ARMCX4: variants seen among roughly 807,000 people sequenced by gnomAD.
The protein encoded by ARMCX4 is armadillo repeat-containing X-linked protein 4.
A neutral mutation model predicts 34.7 loss-of-function variants in ARMCX4; 3 were observed. The observed-to-expected ratio is 0.09, with a 90% confidence interval of 0.04 to 0.22. The LOEUF (loss-of-function observed/expected upper bound fraction) is 0.22, where lower values mean the gene tolerates loss of function less well. ARMCX4 is among the 10% of genes least tolerant of loss of function. ARMCX4 has a pLI of 1.00. For synonymous variants in ARMCX4, 513 were observed against 632.8 expected (o/e 0.81, Z 2.84); for missense variants, 1,448 against 1,720.8 (o/e 0.84, Z 2.81).
At chrX:101,453,440 C>T (rs1378221007) in intron 4 of ARMCX4, among the ~76,000 whole-genome samples, 1 of 111,971 alleles carries the variant, frequency 8.9e-6, no homozygotes, top group Admixed American at 9.5e-5. Context: ...AATGCAGGCT[C>T]TTATCCAATA....
At chrX:101,484,625 G>GTCAAT (rs782779877), upstream of ARMCX4, among the ~76,000 whole-genome samples, 3 of 112,138 alleles carry the variant, frequency 2.7e-5, no homozygotes, top group Non-Finnish European at 5.6e-5. Flanking sequence ...GTGTAAAATT[G>GTCAAT]TCAATATTAG....
chrX:101,440,476 G>T (rs1403378535), intron 2 of ARMCX4, among the ~76,000 whole-genome samples: 1 of 112,047 alleles, frequency 8.9e-6, no homozygotes, highest in African/African-American at 3.2e-5. Flanking sequence ...CCAGCTGCGT[G>T]CTGGGAGAAC....
At chrX:101,464,400 A>C (rs1157219777) in intron 4 of ARMCX4, among the ~76,000 whole-genome samples, 2 of 111,172 alleles carry the variant, frequency 1.8e-5, no homozygotes, top group Non-Finnish European at 3.8e-5. Context: ...AATAAATAAA[A>C]TGTGTTCATT....
intron 11 of ARMCX4, among the ~76,000 whole-genome samples, chrX:101,523,560 G>A (rs1934898921): frequency 8.9e-6 from 1 of 111,862 alleles, no homozygotes; most frequent in African/African-American, 3.3e-5. Flanking sequence ...AAAAATATCT[G>A]AGCAGGGACA....
chrX:101,528,747 G>A (rs898476988), intron 11 of ARMCX4, among the ~76,000 whole-genome samples: 19 of 110,087 alleles, frequency 1.7e-4, no homozygotes, highest in African/African-American at 6.0e-4. Flanking sequence ...CTTCAAAGAG[G>A]ATAAAATACC....
At chrX:101,535,625 A>G (rs1935205324), downstream of ARMCX4, among the ~76,000 whole-genome samples, 1 of 111,473 alleles carries the variant, frequency 9.0e-6, no homozygotes, top group African/African-American at 3.3e-5. Flanking sequence ...ACAGCTAGAA[A>G]CTTTGGAAAA....
At chrX:101,442,286 C>T (rs1931349233) in intron 2 of ARMCX4, among the ~76,000 whole-genome samples, 1 of 112,040 alleles carries the variant, frequency 8.9e-6, no homozygotes, top group African/African-American at 3.2e-5. Context: ...AATCTGCTTG[C>T]TGTGCCTGAT....
In ARMCX4 at chrX:101,495,488, T is replaced by C; in HGVS notation, c.*26T>C. ...TTGGCTGTATGTTCCCAAACAAATT[T>C]GAGTAATATTTTGGTTTTGCACTCT... is the stretch of plus-strand genomic sequence containing the variant. On this transcript the variant is annotated 3_prime_UTR_variant, in exon 6 of 6. Transcript: ENST00000423738. 1.8e-6 allele frequency: 2 copies of C among 1,088,157 alleles called. No individual in the cohort carries two copies. The highest frequency in any genetic ancestry group is 2.4e-6 in the Non-Finnish European group (2 of 842,130). The allele number at this position is 1,088,157 out of a possible 1,213,427, so 89.7% of individuals were successfully genotyped here. A position where few individuals can be genotyped will look rare whatever the true frequency, so the allele number is the denominator to read the frequency against.
In ARMCX4 at chrX:101,489,108, G is replaced by A. The variant is rs1194528011; in HGVS notation, c.519G>A (p.Ala173=). The A allele has an allele frequency of 3.5e-6, 4 of 1,154,562 alleles. No homozygotes were observed. The highest frequency in any genetic ancestry group is 1.8e-5 in the African/African-American group (1 of 55,881). ...CACAGACCAAGGCTAAAGCTTGGGC[G>A]CTGGTTGCCAAGACAGAGGCCAAGA... ...AVTQTKAKAW[A]LVAKTEAKRE... The change falls in exon 6 of 6, where the codon GCG becomes GCA. Residue 173 remains alanine, a synonymous_variant. Transcript: ENST00000423738.
rs1460521076 is a variant in ARMCX4, at chrX:101,491,887, A to G, written c.3298A>G (p.Ile1100Val). 1.7e-6 allele frequency: 2 copies of G among 1,154,629 alleles called. No individual in the cohort carries two copies. Among genetic ancestry groups the G allele is most frequent in the Non-Finnish European group, 2.3e-6 (2 of 872,312 alleles). Residue 1100 changes from isoleucine (I) to valine (V), a missense_variant, in exon 6 of 6, where the codon ATT becomes GTT. Physicochemically the swap from Ile to Val is conservative, Grantham distance 29 (BLOSUM62 3). Coordinates refer to ENST00000423738, the MANE Select transcript of ARMCX4 (RefSeq NM_001256155.3). ...PNIHDYYWNG[I>V]GVEDWIAAER... ...CATCCATGACTACTACTGGAATGGG[A>G]TTGGTGTTGAAGACTGGATTGCTGC...
At chrX:101,526,977 C>T (rs1433605901) in intron 11 of ARMCX4, among the ~76,000 whole-genome samples, 1 of 111,539 alleles carries the variant, frequency 9.0e-6, no homozygotes, top group Non-Finnish European at 1.9e-5. Context: ...CTGCACCAAG[C>T]GGACCTAATA....
At chrX:101,440,780 G>A (rs1304160608) in intron 2 of ARMCX4, among the ~76,000 whole-genome samples, 4 of 111,751 alleles carry the variant, frequency 3.6e-5, no homozygotes, top group Admixed American at 9.5e-5. Flanking sequence ...AGCCAGGTGC[G>A]GGATATAATC....
At chrX:101,449,891 G>A (rs141357786), downstream of ARMCX4, among the ~76,000 whole-genome samples, 663 of 111,435 alleles carry the variant, frequency 5.9e-3, 4 homozygotes, top group Middle Eastern at 9.3e-3. Flanking sequence ...GGACTTGGAC[G>A]TTGTGATCTA....
rs1556008091 is a variant in ARMCX4 at position 101,489,786 on chromosome X, T to C, written c.1197T>C (p.Ala399=). 1.4e-5 allele frequency: 16 copies of C among 1,155,953 alleles called. No homozygotes were observed. The highest frequency in any genetic ancestry group is 1.7e-5 in the Non-Finnish European group (15 of 872,935). ...KAITGADMRA[A]AQPQAVASTH... ...TAACTGGAGCTGACATGAGAGCTGC[T>C]GCTCAGCCTCAAGCTGTTGCCAGTA... The change falls in exon 6 of 6, where the codon GCT becomes GCC. Residue 399 remains alanine (A), a synonymous_variant. Coordinates refer to ENST00000423738, the MANE Select transcript of ARMCX4 (RefSeq NM_001256155.3).
intron 4 of ARMCX4, among the ~76,000 whole-genome samples, chrX:101,461,305 C>T (rs1448364423): frequency 4.5e-5 from 5 of 112,040 alleles, no homozygotes; most frequent in Non-Finnish European, 9.4e-5. Context: ...GTAGTTCATA[C>T]AAGTGGAATC....
chrX:101,527,240 A>C (rs781980641), intron 11 of ARMCX4, among the ~76,000 whole-genome samples: 4 of 112,001 alleles, frequency 3.6e-5, no homozygotes, highest in East Asian at 2.8e-4. Flanking sequence ...CTACTGGGTA[A>C]ATAACGAAAT....
intron 4 of ARMCX4, among the ~76,000 whole-genome samples, chrX:101,469,611 T>C (rs1556002646): frequency 8.9e-6 from 1 of 111,989 alleles, no homozygotes; most frequent in Non-Finnish European, 1.9e-5. Flanking sequence ...ACATCTTAAA[T>C]GTTCAATTTG....
At chrX:101,526,614 G>C (rs1185188487) in intron 11 of ARMCX4, among the ~76,000 whole-genome samples, 1 of 111,698 alleles carries the variant, frequency 9.0e-6, no homozygotes, top group Non-Finnish European at 1.9e-5. Flanking sequence ...ACACACGTAG[G>C]CTCAAAATAA....
intron 4 of ARMCX4, among the ~76,000 whole-genome samples, chrX:101,459,728 AC>A (rs1468100086): frequency 8.9e-6 from 1 of 112,205 alleles, no homozygotes; most frequent in African/African-American, 3.2e-5. Context: ...GAAGGTAATT[AC>A]TCTTACAATG....
Sources: allele counts gnomAD v4.1 joint callset (sites outside exome capture counted in the v4.1 genomes callset), GRCh38; gene constraint gnomAD v4.1.1; transcripts MANE v1.5; gene names NCBI Gene and HGNC (gene_info 2026-07-23, HGNC 2026-07-21).